CSMD1: variants seen among roughly 807,000 people sequenced by gnomAD.
CSMD1 encodes the protein CUB and Sushi multiple domains 1.
A neutral mutation model predicts 417.5 loss-of-function variants in CSMD1; 213 were observed. The observed-to-expected ratio is 0.51, with a 90% CI of 0.46 to 0.57. The LOEUF (loss-of-function observed/expected upper bound fraction) is 0.57, where lower values mean the gene tolerates loss of function less well. Among genes scored for constraint, CSMD1 ranks in the 20% least tolerant of loss-of-function variants. The probability of loss-of-function intolerance (pLI) is 0.00; values close to 1 mark genes in which losing one functional copy is unlikely to be tolerated. For missense variants in CSMD1, 6,923 were observed against 4,529.7 expected, an observed-to-expected ratio of 1.53 and a Z score of -15.17; for synonymous variants, 2,862 against 1,736.8, an observed-to-expected ratio of 1.65 and a Z score of -16.11.
At chr8:4,438,738 T>C (rs1041157187) in intron 2 of CSMD1, among the ~76,000 whole-genome samples, 22 of 152,338 alleles carry the variant, frequency 1.4e-4, no homozygotes, top group African/African-American at 5.1e-4. Context: ...CCTGCAAATA[T>C]TTGGTTACAA....
chr8:4,528,675 C>A (rs1303213649), intron 2 of CSMD1, among the ~76,000 whole-genome samples: 2 of 152,070 alleles, frequency 1.3e-5, no homozygotes, highest in African/African-American at 2.4e-5. Context: ...GGTGTACACC[C>A]CACAAACTCT....
intron 11 of CSMD1, among the ~76,000 whole-genome samples, chr8:3,479,237 T>C (rs1056187685): frequency 6.6e-6 from 1 of 152,282 alleles, no homozygotes; most frequent in African/African-American, 2.4e-5. Flanking sequence ...TGCTAAAATA[T>C]TAGGTGGGTA....
At chr8:4,703,295 T>C (rs1807704260) in intron 1 of CSMD1, among the ~76,000 whole-genome samples, 2 of 152,030 alleles carry the variant, frequency 1.3e-5, no homozygotes, top group Non-Finnish European at 2.9e-5. Flanking sequence ...GTGTAGATAA[T>C]CAGAATCTTC....
At chr8:4,623,647 TA>T (rs1048670626) in intron 2 of CSMD1, among the ~76,000 whole-genome samples, 1 of 152,140 alleles carries the variant, frequency 6.6e-6, no homozygotes, top group African/African-American at 2.4e-5. Context: ...TGCTTAACCA[TA>T]AAAAATGTAC....
At chr8:4,808,023 C>A (rs1414469313) in intron 1 of CSMD1, among the ~76,000 whole-genome samples, 1 of 152,166 alleles carries the variant, frequency 6.6e-6, no homozygotes, top group Non-Finnish European at 1.5e-5. Flanking sequence ...ATTGCTCTCG[C>A]CCATAGATAG....
chr8:3,164,925 C>T (rs576687760), intron 37 of CSMD1, among the ~76,000 whole-genome samples: 5 of 151,720 alleles, frequency 3.3e-5, no homozygotes, highest in Non-Finnish European at 7.4e-5. Flanking sequence ...TTGTCATTTT[C>T]TCCTTTCTTG....
At chr8:4,210,648 A>G (rs1800250379) in intron 3 of CSMD1, among the ~76,000 whole-genome samples, 1 of 152,192 alleles carries the variant, frequency 6.6e-6, no homozygotes, top group Non-Finnish European at 1.5e-5. Flanking sequence ...CAATTAGCCA[A>G]GAAAAAAAAA....
chr8:3,345,993 C>T (rs994498315), intron 22 of CSMD1, among the ~76,000 whole-genome samples: 6 of 152,016 alleles, frequency 3.9e-5, no homozygotes, highest in Non-Finnish European at 7.4e-5. Context: ...GCAGGGGGTG[C>T]GTGTATATAA....
intron 2 of CSMD1, among the ~76,000 whole-genome samples, chr8:4,497,659 G>T (rs1231673101): frequency 6.6e-6 from 1 of 152,126 alleles, no homozygotes; most frequent in Non-Finnish European, 1.5e-5. Flanking sequence ...CCCCAGTGAG[G>T]AAATTACCAT....
chr8:3,700,161 C>A (rs1585096602), intron 7 of CSMD1, among the ~76,000 whole-genome samples: 1 of 152,150 alleles, frequency 6.6e-6, no homozygotes, highest in Non-Finnish European at 1.5e-5. Flanking sequence ...GCAGCGTATA[C>A]TGCTCAGGTA....
In CSMD1 at chr8:3,106,606, T is replaced by C. The variant is rs1234900321; in HGVS notation, c.6871A>G (p.Thr2291Ala). 28 of 1,613,536 alleles carry C rather than the reference T, an allele frequency of 1.7e-5. No individual in the cohort carries two copies. Among genetic ancestry groups the C allele is most frequent in the Non-Finnish European group, 2.4e-5 (28 of 1,179,650 alleles). Reference protein sequence around the residue: ...FVKYQCHPGYTLVGTDILTCK... With the variant: ...FVKYQCHPGYALVGTDILTCK... ...GTCAGAATGTCGGTCCCCACCAAGG[T>C]GTACCCGGGGTGGCACTGGTACTTC... Residue 2291 changes from threonine to alanine, a missense_variant, in exon 46 of 70, where the codon ACC becomes GCC. Thr to Ala is a moderately conservative substitution (Grantham distance 58, BLOSUM62 0). Coordinates refer to ENST00000635120, the MANE Select transcript of CSMD1 (RefSeq NM_033225.6).
At chr8:4,341,032 T>G (rs2128895239) in intron 3 of CSMD1, among the ~76,000 whole-genome samples, 1 of 152,164 alleles carries the variant, frequency 6.6e-6, no homozygotes, top group South Asian at 2.1e-4. Flanking sequence ...CATATTCAAC[T>G]TTAGAATCTA....
chr8:3,557,035 G>A (rs1439063422), intron 10 of CSMD1, among the ~76,000 whole-genome samples: 1 of 152,186 alleles, frequency 6.6e-6, no homozygotes, highest in African/African-American at 2.4e-5. Flanking sequence ...GGAAACTGCA[G>A]GGTAATGGCA....
chr8:4,739,027 A>C (rs184253772), intron 1 of CSMD1, among the ~76,000 whole-genome samples: 1 of 152,064 alleles, frequency 6.6e-6, no homozygotes, highest in African/African-American at 2.4e-5. Flanking sequence ...TAAAAGTTAA[A>C]GGAATGTAGT....
chr8:4,037,662 A>G (rs966219817), intron 3 of CSMD1, among the ~76,000 whole-genome samples: 5 of 152,122 alleles, frequency 3.3e-5, no homozygotes, highest in Non-Finnish European at 5.9e-5. Context: ...ATGTTTTCCC[A>G]TCAGTATTGA....
intron 3 of CSMD1, among the ~76,000 whole-genome samples, chr8:4,396,704 T>C (rs1804246796): frequency 1.3e-5 from 2 of 151,676 alleles, no homozygotes; most frequent in African/African-American, 4.8e-5. Context: ...AGCCATAAAA[T>C]GGAATGAAAT....
At chr8:3,795,125 A>T (rs1346196100) in intron 5 of CSMD1, among the ~76,000 whole-genome samples, 1 of 74,600 alleles carries the variant, frequency 1.3e-5, no homozygotes, top group African/African-American at 4.7e-5. Flanking sequence ...GATATCTATC[A>T]TGTACAGCTA....
At chr8:3,524,202 C>T (rs192149895) in intron 10 of CSMD1, among the ~76,000 whole-genome samples, 2 of 151,898 alleles carry the variant, frequency 1.3e-5, no homozygotes, top group Non-Finnish European at 2.9e-5. Flanking sequence ...TATGCACACA[C>T]ATGCAACCCA....
At chr8:4,252,865 G>T (rs1190967325) in intron 3 of CSMD1, among the ~76,000 whole-genome samples, 1 of 152,206 alleles carries the variant, frequency 6.6e-6, no homozygotes, top group East Asian at 1.9e-4. Flanking sequence ...GGGACCATGA[G>T]TGAAAGGCAA....
Sources: gnomAD v4.1 joint callset for allele counts (sites outside exome capture counted in the v4.1 genomes callset) on GRCh38, gnomAD v4.1.1 for gene constraint, MANE v1.5 for transcripts, NCBI Gene and HGNC (gene_info 2026-07-23, HGNC 2026-07-21) for gene names.